The following ALDH1L2 variants were observed in gnomAD, a reference collection of about 807,000 sequenced individuals.
ALDH1L2 encodes the protein mitochondrial 10-formyltetrahydrofolate dehydrogenase.
Under a neutral mutation model 111.0 loss-of-function variants are expected in ALDH1L2, and 91 were observed. The ratio of observed to expected loss-of-function variants is 0.82; its 90% CI spans 0.69 to 0.98. The LOEUF (loss-of-function observed/expected upper bound fraction) is 0.98. Ranked by LOEUF, ALDH1L2 falls within the 50% of genes least tolerant of loss-of-function variation. The probability of loss-of-function intolerance (pLI) is 0.00; values close to 1 mark genes in which losing one functional copy is unlikely to be tolerated. For missense variants in ALDH1L2, 995 were observed against 1,126.8 expected (o/e 0.88, Z 1.67); for synonymous variants, 374 against 392.6 (o/e 0.95, Z 0.56).
At chr12:105,070,002 T>A (rs181937711) in intron 3 of ALDH1L2, among the ~76,000 whole-genome samples, 5 of 152,316 alleles carry the variant, frequency 3.3e-5, no homozygotes, top group Admixed American at 1.3e-4. Context: ...TTTCCTGAAA[T>A]GTACTTGAGA....
chr12:105,042,898 T>C (rs1338848658), intron 15 of ALDH1L2, among the ~76,000 whole-genome samples: 1 of 152,204 alleles, frequency 6.6e-6, no homozygotes, highest in Non-Finnish European at 1.5e-5. Context: ...CTTCACACTC[T>C]TAAAAACCAA....
chr12:105,030,995 TCC>T (rs1057261057), intron 20 of ALDH1L2, among the ~76,000 whole-genome samples: 15 of 152,184 alleles, frequency 9.9e-5, no homozygotes, highest in African/African-American at 2.2e-4. Context: ...CATTTTGTCT[TCC>T]CCTTATTTTT....
chr12:105,073,886 G>A lies in ALDH1L2; in HGVS notation c.168C>T (p.Asp56=). The change falls in exon 2 of 23, where the codon GAC becomes GAT. Residue 56 remains aspartate, a synonymous_variant. Coordinates refer to ENST00000258494, the MANE Select transcript of ALDH1L2 (RefSeq NM_001034173.4). ...HRVVGVFTVP[D]KDGKADPLAL... The stretch of plus-strand genomic sequence containing the variant: ...CCAGAGGGTCAGCTTTTCCATCCTT[G>A]TCTGGAACTGTGAACACCCCTACTA... 1 of 1,614,100 alleles carries A rather than the reference G, an allele frequency of 6.2e-7. No individual in the cohort carries two copies. Among genetic ancestry groups the A allele is most frequent in the African/African-American group, 1.3e-5 (1 of 74,996 alleles).
At chr12:105,064,936 C>T (rs138541311) in intron 6 of ALDH1L2, among the ~76,000 whole-genome samples, 70 of 152,310 alleles carry the variant, frequency 4.6e-4, no homozygotes, top group Admixed American at 2.6e-3. Flanking sequence ...ACCTGGTTAA[C>T]TCTTCTCGAG....
chr12:105,082,874 TTC>T (rs1565977644), intron 1 of ALDH1L2, among the ~76,000 whole-genome samples: 1 of 151,338 alleles, frequency 6.6e-6, no homozygotes, highest in Non-Finnish European at 1.5e-5. Flanking sequence ...CCAGAACATT[TTC>T]TACAGGATAA....
Sources: gnomAD v4.1 joint callset for allele counts (sites outside exome capture counted in the v4.1 genomes callset) on GRCh38, gnomAD v4.1.1 for gene constraint, MANE v1.5 for transcripts, NCBI Gene and HGNC (gene_info 2026-07-23, HGNC 2026-07-21) for gene names.